AIG1: variants seen among roughly 807,000 people sequenced by gnomAD.
The protein encoded by AIG1 is androgen-induced gene 1 protein.
Under a neutral mutation model 31.4 loss-of-function variants are expected in AIG1, and 23 were observed. The observed-to-expected ratio is 0.73, with a 90% confidence interval of 0.53 to 1.04. The LOEUF is 1.04. AIG1 is among the 50% of genes least tolerant of loss of function. The pLI, the probability that AIG1 is intolerant of heterozygous loss-of-function variation, is 0.00. For missense variants in AIG1, 274 were observed against 295.0 expected (o/e 0.93, Z 0.52); for synonymous variants, 100 against 110.5 (o/e 0.90, Z 0.60).
At chr6:143,212,699 A>G (rs990955799) in intron 3 of AIG1, among the ~76,000 whole-genome samples, 3 of 152,194 alleles carry the variant, frequency 2.0e-5, no homozygotes, top group Non-Finnish European at 4.4e-5. Context: ...GGTAAAACGT[A>G]TGAGTGTAGA....
intron 3 of AIG1, among the ~76,000 whole-genome samples, chr6:143,208,174 G>T (rs1179892738): frequency 6.6e-6 from 1 of 152,132 alleles, no homozygotes; most frequent in African/African-American, 2.4e-5. Flanking sequence ...AATGAATTCT[G>T]AAATCTTTCT....
rs112141538 is a variant in AIG1 at position 143,171,365 on chromosome 6, A to G, written c.399+6182A>G. On this transcript the variant is annotated intron_variant, in intron 3 of 5. Transcript: ENST00000357847. Reference sequence around the variant, plus strand: ...TTCCATCCAGGTTGCTGCAAATGCCAGTATTTTATTCCTTTTTATGGCTGC... The same window carrying G: ...TTCCATCCAGGTTGCTGCAAATGCCGGTATTTTATTCCTTTTTATGGCTGC... Among the ~76,000 whole-genome samples the G allele has an allele frequency of 2.4e-3, 343 of 144,266 alleles. 4 individuals carry two copies. The highest frequency in any genetic ancestry group is 8.4e-3 in the African/African-American group (327 of 38,916). The allele number at this position is 144,266 out of a possible 152,430, so 94.6% of individuals were successfully genotyped here.
intron 3 of AIG1, among the ~76,000 whole-genome samples, chr6:143,247,560 C>CT (rs1199002828): frequency 6.6e-6 from 1 of 152,230 alleles, no homozygotes; most frequent in South Asian, 2.1e-4. Flanking sequence ...AAAGACACTT[C>CT]TACCAGCCAG....
chr6:143,138,513 T>C (rs1783957455), intron 2 of AIG1, among the ~76,000 whole-genome samples: 1 of 152,178 alleles, frequency 6.6e-6, no homozygotes, highest in African/African-American at 2.4e-5. Context: ...ATTTTTTCTT[T>C]TTTAACGTCT....
intron 3 of AIG1, chr6:143,187,867 C>T (rs1306685026): frequency 1.0e-5 from 14 of 1,406,492 alleles, no homozygotes; most frequent in South Asian, 6.7e-5. Flanking sequence ...GAAGGGTATC[C>T]GCAGCATTGT....
chr6:143,282,167 AT>A (rs1797380703), intron 3 of AIG1, among the ~76,000 whole-genome samples: 1 of 152,144 alleles, frequency 6.6e-6, no homozygotes, highest in African/African-American at 2.4e-5. Context: ...AAAATGGAGG[AT>A]TTTCTACTTC....
intron 1 of AIG1, among the ~76,000 whole-genome samples, chr6:143,117,583 A>T (rs1280421829): frequency 6.6e-6 from 1 of 152,142 alleles, no homozygotes; most frequent in Non-Finnish European, 1.5e-5. Context: ...TGCACCAGTT[A>T]AGTTTGAGAT....
chr6:143,145,007 T>A (rs1395715921), intron 2 of AIG1, among the ~76,000 whole-genome samples: 1 of 152,096 alleles, frequency 6.6e-6, no homozygotes, highest in Non-Finnish European at 1.5e-5. Flanking sequence ...TTCAGGGTGG[T>A]ATTGCTCAGT....
At chr6:143,111,767 G>C (rs1583211298) in intron 1 of AIG1, among the ~76,000 whole-genome samples, 1 of 152,160 alleles carries the variant, frequency 6.6e-6, no homozygotes, top group African/African-American at 2.4e-5. Flanking sequence ...CCAGCAGCCT[G>C]GAAGTGGTTA....
At chr6:143,342,435 A>C, downstream of AIG1, 1 of 759,010 alleles carries the variant, frequency 1.3e-6, no homozygotes, top group South Asian at 1.4e-5. Context: ...TGAACCTCGA[A>C]GATCAGACAC....
In AIG1 at chr6:143,100,690, C is replaced by CT. The variant is rs35504854; in HGVS notation, c.142-36132dup. On this transcript the variant is annotated intron_variant, in intron 1 of 5. Coordinates refer to ENST00000357847, the MANE Select transcript of AIG1 (RefSeq NM_016108.4). ...TATAGTCATACTTAAAGTTTATTCT[C>CT]TTTTTTTTTTTTTGAGATGAAGTCT... Among the ~76,000 whole-genome samples the CT allele has an allele frequency of 2.3e-3, 335 of 145,316 alleles. 1 individual carries two copies. Among genetic ancestry groups the CT allele is most frequent in the South Asian group, 0.022 (100 of 4,634 alleles).
intron 3 of AIG1, among the ~76,000 whole-genome samples, chr6:143,265,321 G>C (rs1796081934): frequency 6.6e-6 from 1 of 152,170 alleles, no homozygotes; most frequent in Admixed American, 6.5e-5. Flanking sequence ...GCATTTCTTT[G>C]TTAAATAATC....
intron 3 of AIG1, among the ~76,000 whole-genome samples, chr6:143,215,400 TGGGTATGTGG>T (rs1791951472): frequency 6.6e-6 from 1 of 152,158 alleles, no homozygotes; most frequent in Non-Finnish European, 1.5e-5. Flanking sequence ...TATTTTTATC[TGGGTATGTGG>T]CCACCAACAA....
At chr6:143,260,310 G>A (rs566830306) in intron 3 of AIG1, among the ~76,000 whole-genome samples, 11 of 152,252 alleles carry the variant, frequency 7.2e-5, no homozygotes, top group South Asian at 2.1e-4. Flanking sequence ...ATGAGCCACC[G>A]CATCTGGCGG....
intron 3 of AIG1, among the ~76,000 whole-genome samples, chr6:143,183,376 A>G (rs1788924140): frequency 6.6e-6 from 1 of 152,064 alleles, no homozygotes; most frequent in Non-Finnish European, 1.5e-5. Flanking sequence ...TTGTATTTTT[A>G]GTAGAGAGGG....
intron 3 of AIG1, among the ~76,000 whole-genome samples, chr6:143,243,932 T>A (rs1794436497): frequency 6.6e-6 from 1 of 152,188 alleles, no homozygotes; most frequent in Non-Finnish European, 1.5e-5. Context: ...GGCCTAGATT[T>A]GCCATCAAAA....
At chr6:143,273,090 T>C (rs1050515652) in intron 3 of AIG1, among the ~76,000 whole-genome samples, 5 of 152,130 alleles carry the variant, frequency 3.3e-5, no homozygotes, top group Admixed American at 6.6e-5. Flanking sequence ...GATCATGCCA[T>C]TGCACTCCAG....
intron 4 of AIG1, among the ~76,000 whole-genome samples, chr6:143,308,483 A>G (rs375224303): frequency 3.9e-5 from 6 of 152,246 alleles, no homozygotes; most frequent in Admixed American, 1.3e-4. Flanking sequence ...CATTGTCTCT[A>G]TTGTCTAAAA....
intron 1 of AIG1, among the ~76,000 whole-genome samples, chr6:143,102,032 T>C (rs1780325166): frequency 1.3e-5 from 2 of 152,200 alleles, no homozygotes; most frequent in Admixed American, 1.3e-4. Context: ...CCTATGCTAT[T>C]CAGTCTCCTA....
Sources: gnomAD v4.1 joint callset for allele counts (sites outside exome capture counted in the v4.1 genomes callset) on GRCh38, gnomAD v4.1.1 for gene constraint, MANE v1.5 for transcripts, NCBI Gene and HGNC (gene_info 2026-07-23, HGNC 2026-07-21) for gene names.